The following BRD1 variants were observed in gnomAD, a reference collection of about 807,000 sequenced individuals.
BRD1 encodes the protein bromodomain containing 1, also known as bromodomain-containing protein 1.
A neutral mutation model predicts 107.7 loss-of-function variants in BRD1; 24 were observed. That is an observed-to-expected ratio of 0.22 (90% CI 0.16 to 0.31). BRD1 has a LOEUF of 0.31. BRD1 is among the 10% of genes least tolerant of loss of function. BRD1 has a pLI of 1.00. For missense variants in BRD1, 1,279 were observed against 1,638.6 expected, an observed-to-expected ratio of 0.78 and a Z score of 3.79; for synonymous variants, 744 against 686.1, an observed-to-expected ratio of 1.08 and a Z score of -1.32.
Position 49,798,594 on chromosome 22 carries a change from G to A in BRD1, c.1749C>T (p.Pro583=), listed in dbSNP as rs145844153. The change falls in exon 5 of 13, where the codon CCC becomes CCT. Residue 583 remains proline, a synonymous_variant. Transcript: ENST00000404760. Reference sequence around the variant, plus strand: ...TCACGGGCTGCGCAAATATCCTGGCGGGGTCCTTGTCTTGCAGCTGGTCCA... The same window carrying A: ...TCACGGGCTGCGCAAATATCCTGGCAGGGTCCTTGTCTTGCAGCTGGTCCA... ...SVLDQLQDKD[P]ARIFAQPVSL... 1.2e-5 allele frequency: 19 copies of A among 1,614,046 alleles called. No individual in the cohort carries two copies. Among genetic ancestry groups the A allele is most frequent in the East Asian group, 4.5e-5 (2 of 44,902 alleles).
chr22:49,801,292 CA>C (rs928985854), intron 3 of BRD1, among the ~76,000 whole-genome samples: 3 of 152,226 alleles, frequency 2.0e-5, no homozygotes, highest in African/African-American at 7.2e-5. Context: ...CACACCAGAA[CA>C]AAAACCAGGG....
chr22:49,776,908 TG>T (rs1375888178), intron 10 of BRD1, 125 bp downstream of exon 10: 1 of 1,381,610 alleles, frequency 7.2e-7, no homozygotes, highest in African/African-American at 1.4e-5. Context: ...CCCGGGAGGT[TG>T]GCCAGGGTGG....
At chr22:49,784,773 C>T (rs905478760) in intron 8 of BRD1, among the ~76,000 whole-genome samples, 1 of 152,190 alleles carries the variant, frequency 6.6e-6, no homozygotes, top group Non-Finnish European at 1.5e-5. Flanking sequence ...GAAACCAAAG[C>T]GAGGGCGGAT....
rs1245336746 is a variant in BRD1, at chr22:49,798,567, A to G, written c.1776T>C (p.Ser592=). 6.2e-7 allele frequency: 1 copy of G among 1,614,156 alleles called. No individual in the cohort carries two copies. Among genetic ancestry groups the G allele is most frequent in the Non-Finnish European group, 8.5e-7 (1 of 1,180,038 alleles). The change falls in exon 5 of 13, where the codon AGT becomes AGC. Residue 592 remains serine, a synonymous_variant. Coordinates refer to ENST00000404760, the MANE Select transcript of BRD1 (RefSeq NM_001304808.3). ...DPARIFAQPV[S]LKEVPDYLDH... ...CGCCGCAAACACCCACCTCCTTCAG[A>G]CTCACGGGCTGCGCAAATATCCTGG...
chr22:49,800,598 C>A (rs1253062129), intron 3 of BRD1, among the ~76,000 whole-genome samples: 1 of 152,184 alleles, frequency 6.6e-6, no homozygotes, highest in Non-Finnish European at 1.5e-5. Flanking sequence ...GCACTGGCTG[C>A]TAAGCAAACT....
rs2060161924 is a variant in BRD1, at chr22:49,827,758, C to A, written c.-276G>T. Reference sequence around the variant, plus strand: ...GGAGGCCCGGCTCGGGGGGCCCGGCCGGCGGGCGCGGGCGCGGGCGCGGGA... The same window carrying A: ...GGAGGCCCGGCTCGGGGGGCCCGGCAGGCGGGCGCGGGCGCGGGCGCGGGA... On this transcript the variant is annotated 5_prime_UTR_variant, in exon 1 of 13. Coordinates refer to ENST00000404760, the MANE Select transcript of BRD1 (RefSeq NM_001304808.3). Among the ~76,000 whole-genome samples the A allele has an allele frequency of 7.1e-6, 1 of 141,820 alleles. No homozygotes were observed. Among genetic ancestry groups the A allele is most frequent in the Admixed American group, 6.9e-5 (1 of 14,524 alleles). The allele number at this position is 141,820 out of a possible 152,430, so 93.0% of individuals were successfully genotyped here.
chr22:49,821,077 C>G (rs1040846082), intron 2 of BRD1: 1 of 152,368 alleles, frequency 6.6e-6, no homozygotes, highest in African/African-American at 2.4e-5. Flanking sequence ...ATATTTAGGT[C>G]GAGTTTTCTT....
At chr22:49,811,498 G>A (rs1329913611) in intron 2 of BRD1, among the ~76,000 whole-genome samples, 2 of 152,218 alleles carry the variant, frequency 1.3e-5, no homozygotes, top group Non-Finnish European at 2.9e-5. Flanking sequence ...CAGCCTGGAT[G>A]TTGGTACCTG....
At chr22:49,784,651 T>A (rs951492578) in intron 8 of BRD1, among the ~76,000 whole-genome samples, 1 of 152,226 alleles carries the variant, frequency 6.6e-6, no homozygotes, top group Non-Finnish European at 1.5e-5. Context: ...AGCACACAGA[T>A]GCATGTATGG....
At position 49,804,248 on chromosome 22, in the gene BRD1, G is replaced by A; in HGVS notation, c.1480C>T (p.Arg494Trp). ...RLSRNGAPLLRRLQSSLQSQR... is the reference protein window; with the variant it reads ...RLSRNGAPLLWRLQSSLQSQR... ...GACTGCAGGCTGGACTGCAGCCGCC[G>A]CAGCAGGGGGGCCCCGTTCCTGGAC... The change falls in exon 3 of 13, where the codon CGG (arginine) becomes TGG (tryptophan). Residue 494 changes from arginine (R) to tryptophan (W), a missense_variant. Physicochemically the swap from Arg to Trp is moderately radical, Grantham distance 101 (BLOSUM62 -3). Coordinates refer to ENST00000404760, the MANE Select transcript of BRD1 (RefSeq NM_001304808.3). 3 of 1,607,966 alleles carry A rather than the reference G, an allele frequency of 1.9e-6. No individual in the cohort carries two copies. Among genetic ancestry groups the A allele is most frequent in the South Asian group, 1.1e-5 (1 of 89,740 alleles).
At chr22:49,804,691 A>T (rs924817587) in intron 2 of BRD1, among the ~76,000 whole-genome samples, 1 of 152,166 alleles carries the variant, frequency 6.6e-6, no homozygotes, top group Non-Finnish European at 1.5e-5. Context: ...TCTACCAAAA[A>T]TACAAAAATA....
rs1299715855 is a variant in BRD1 at position 49,783,478 on chromosome 22, C to T, written c.2857+3912G>A. Among the ~76,000 whole-genome samples, 1 of 152,270 alleles carries T rather than the reference C, an allele frequency of 6.6e-6. No individual in the cohort carries two copies. Among genetic ancestry groups the T allele is most frequent in the South Asian group, 2.1e-4 (1 of 4,836 alleles). On this transcript the variant is annotated intron_variant, in intron 8 of 12. Transcript: ENST00000404760. The surrounding 1 kb of genome is among the most constrained non-coding windows in gnomAD (Gnocchi z 4.2). ...CCAAGTTCCTCCATACCCCATGGCA[C>T]AGACACAGCACAACGCGCCTGGGCA...
rs1347470748 is a variant in BRD1 at position 49,822,956 on chromosome 22, C to T, written c.1362G>A (p.Pro454=). 1.4e-5 allele frequency: 23 copies of T among 1,613,774 alleles called. No individual in the cohort carries two copies. The highest frequency in any genetic ancestry group is 4.4e-5 in the South Asian group (4 of 91,074). Residue 454 remains proline, a synonymous_variant, in exon 2 of 13, where the codon CCG becomes CCA. Transcript: ENST00000404760. The part of the protein sequence containing the change: ...LPTVCAPYIP[P]QRLNRIANQV... ...CAATGCTTGGACACGCTTACCTCTG[C>T]GGGGGAATATAAGGAGCGCACACGG...
chr22:49,796,459 C>T (rs766680271), intron 6 of BRD1, among the ~76,000 whole-genome samples: 19 of 152,030 alleles, frequency 1.2e-4, no homozygotes, highest in South Asian at 4.1e-4. Flanking sequence ...CAGGTTCAAG[C>T]GATTCTCCTG....
intron 2 of BRD1, among the ~76,000 whole-genome samples, chr22:49,810,160 G>A (rs1351859153): frequency 6.6e-6 from 1 of 152,092 alleles, no homozygotes; most frequent in Non-Finnish European, 1.5e-5. Context: ...GAAAGCGAGC[G>A]AGCAAGCAAG....
intron 8 of BRD1, among the ~76,000 whole-genome samples, chr22:49,786,111 G>A (rs189241523): frequency 2.2e-5 from 3 of 136,870 alleles, no homozygotes; most frequent in South Asian, 2.7e-4. Context: ...GAGGCACCAC[G>A]GCACACCAGC....
At chr22:49,812,703 C>A (rs76514675) in intron 2 of BRD1, among the ~76,000 whole-genome samples, 4,457 of 152,312 alleles carry the variant, frequency 0.029, 240 homozygotes, top group African/African-American at 0.1. Flanking sequence ...GGACTCTAAC[C>A]AGAAGTCTGA....
chr22:49,785,940 G>C (rs949381647), intron 8 of BRD1, among the ~76,000 whole-genome samples: 3 of 152,184 alleles, frequency 2.0e-5, no homozygotes, highest in African/African-American at 7.2e-5. Flanking sequence ...AGAAGGAACA[G>C]GGACAAGATG....
rs2060124137 is a variant in BRD1 at position 49,824,407 on chromosome 22, G to C, written c.-14-76C>G. The C allele has an allele frequency of 6.4e-7, 1 of 1,550,990 alleles. No individual in the cohort carries two copies. The highest frequency in any genetic ancestry group is 8.7e-7 in the Non-Finnish European group (1 of 1,153,880). Reference sequence around the variant, plus strand: ...TCGAGAAAACCACAAAAGCATGCTTGGACAGATCTAGCTCAGCAGCTCAAA... The same window carrying C: ...TCGAGAAAACCACAAAAGCATGCTTCGACAGATCTAGCTCAGCAGCTCAAA... On this transcript the variant is annotated intron_variant, in intron 1 of 12. Transcript: ENST00000404760. The surrounding 1 kb of genome is among the most constrained non-coding windows in gnomAD (Gnocchi z 5.9).
Sources: gnomAD v4.1 joint callset for allele counts (sites outside exome capture counted in the v4.1 genomes callset) on GRCh38, gnomAD v4.1.1 for gene constraint, Gnocchi (gnomAD v3.1) non-coding constraint, MANE v1.5 for transcripts, NCBI Gene and HGNC (gene_info 2026-07-23, HGNC 2026-07-21) for gene names.